Variants in SNRNP27 observed in about 807,000 individuals in gnomAD.
SNRNP27 encodes small nuclear ribonucleoprotein U4/U6.U5 subunit 27.
In SNRNP27, 22 loss-of-function variants were observed where a neutral mutation model predicts 25.1. That is an observed-to-expected ratio of 0.88 (90% confidence interval 0.63 to 1.25). SNRNP27 has a LOEUF of 1.25. Among genes scored for constraint, SNRNP27 ranks in the 50% most tolerant of loss-of-function variants. SNRNP27 has a pLI of 0.00. For missense variants in SNRNP27, 150 were observed against 202.3 expected (o/e 0.74, Z 1.57); for synonymous variants, 66 against 64.9 (o/e 1.02, Z -0.08).
chr2:69,895,215 G>C lies in SNRNP27; in HGVS notation c.155+1G>C. ...GATCCCCGCACCGAAGACGCTCCCG[G>C]TAAGGGCAGAAAATAAGCCAAGAGT... On this transcript the variant is annotated splice_donor_variant, in intron 2 of 5. Coordinates refer to ENST00000244227, the MANE Select transcript of SNRNP27 (RefSeq NM_006857.3). LOFTEE classifies it high-confidence loss of function. 3 of 1,613,126 alleles carry C rather than the reference G, an allele frequency of 1.9e-6. No homozygotes were observed. The East Asian group carries it at 6.7e-5, about 36-fold the overall frequency.
At position 69,894,722 on chromosome 2, in the gene SNRNP27, G is replaced by A. The variant is rs574198450; in HGVS notation, c.35-372G>A. 4.0e-5 allele frequency among the ~76,000 whole-genome samples: 6 copies of A among 151,754 alleles called. No homozygotes were observed. In the South Asian group the frequency reaches 1.3e-3, roughly 32 times the overall value. On this transcript the variant is annotated intron_variant, in intron 1 of 5. Transcript: ENST00000244227. ...GAGACAGAGTCTCGCTCTGTCGCCC[G>A]CCCAGGCTGGAGTGCAGTGGCCGAT...
chr2:69,904,228 CAATG>C (rs777334256), intron 5 of SNRNP27, 22 bp from the exon 6 acceptor site: 1 of 1,515,814 alleles, frequency 6.6e-7, no homozygotes, highest in Non-Finnish European at 8.9e-7. Flanking sequence ...TAAAAAAAAA[CAATG>C]AATTTTCTCT....
intron 4 of SNRNP27, 70 bp downstream of exon 4, chr2:69,897,526 T>C (rs1676626333): frequency 3.4e-6 from 4 of 1,188,758 alleles, no homozygotes; most frequent in Non-Finnish European, 5.0e-6. Flanking sequence ...CATGTTCTTT[T>C]CCATTTATAC....
In SNRNP27 at chr2:69,902,959, T is replaced by G. The variant is rs867986247; in HGVS notation, c.349-222T>G. Among the ~76,000 whole-genome samples the G allele has an allele frequency of 5.2e-4, 70 of 134,946 alleles. No individual in the cohort carries two copies. Among genetic ancestry groups the G allele is most frequent in the Admixed American group, 1.5e-3 (21 of 13,810 alleles). 88.5% of individuals were successfully genotyped at this position (134,946 alleles called of 152,430 possible). On this transcript the variant is annotated intron_variant, in intron 4 of 5. Transcript: ENST00000244227. ...TCTTCTTTTTTTTTTTTTTTTTTTT[T>G]TGAGACTGGATCATGCTCAGTTGCC...
At position 69,902,909 on chromosome 2, in the gene SNRNP27, T is replaced by TTCTTCCTTTC. The variant is rs751299090; in HGVS notation, c.349-269_349-260dup. On this transcript the variant is annotated intron_variant, in intron 4 of 5. Transcript: ENST00000244227. Reference sequence around the variant, plus strand: ...CCCCTACTTCCCTCTTCCTTCCTCCTTCTTCCTTTCTCCTCCTTTCTTCTT... The same window carrying TTCTTCCTTTC: ...CCCCTACTTCCCTCTTCCTTCCTCCTTCTTCCTTTCTCTTCCTTTCTCCTCCTTTCTTCTT... 3.8e-3 allele frequency among the ~76,000 whole-genome samples: 559 copies of TTCTTCCTTTC among 147,278 alleles called. 2 individuals carry two copies. The highest frequency in any genetic ancestry group is 7.2e-3 in the Admixed American group (107 of 14,822).
At chr2:69,894,996 G>A in intron 1 of SNRNP27, 98 bp from the exon 2 acceptor site, 1 of 1,504,346 alleles carries the variant, frequency 6.6e-7, no homozygotes, top group Non-Finnish European at 9.0e-7. Context: ...CCTTTTTAAT[G>A]TGACTAGTAA....
chr2:69,897,235 TC>T, intron 3 of SNRNP27, 141 bp from the exon 4 acceptor site: 1 of 589,800 alleles, frequency 1.7e-6, no homozygotes, highest in South Asian at 2.4e-5. Flanking sequence ...AGGAATTTTT[TC>T]ATTAGACTCA....
chr2:69,896,369 A>G (rs1676598976), intron 2 of SNRNP27, 67 bp from the exon 3 acceptor site: 1 of 1,433,140 alleles, frequency 7.0e-7, no homozygotes, highest in African/African-American at 1.4e-5. Flanking sequence ...CCTCATGTAT[A>G]TCTGTGCTGA....
intron 4 of SNRNP27, among the ~76,000 whole-genome samples, chr2:69,901,361 A>C (rs1676695043): frequency 6.6e-6 from 1 of 152,202 alleles, no homozygotes; most frequent in Non-Finnish European, 1.5e-5. Flanking sequence ...GAGGAACAAC[A>C]TGGGGGAAAG....
intron 4 of SNRNP27, among the ~76,000 whole-genome samples, chr2:69,902,109 G>A (rs896869236): frequency 4.3e-4 from 60 of 139,484 alleles, no homozygotes; most frequent in Admixed American, 2.8e-3. Flanking sequence ...GCTTATACAC[G>A]ATTGTAAAAA....
chr2:69,895,903 C>T (rs1163318018), intron 2 of SNRNP27, among the ~76,000 whole-genome samples: 7 of 151,772 alleles, frequency 4.6e-5, no homozygotes, highest in Admixed American at 4.6e-4. Flanking sequence ...ATGATTTATT[C>T]AAGTATGTAA....
At chr2:69,896,698 G>C in intron 3 of SNRNP27, 150 bp downstream of exon 3, 1 of 743,322 alleles carries the variant, frequency 1.3e-6, no homozygotes, top group Non-Finnish European at 2.0e-6. Context: ...TTGAGATAGA[G>C]TTTCATTCTT....
chr2:69,901,528 A>C (rs991910926), intron 4 of SNRNP27, among the ~76,000 whole-genome samples: 1 of 152,164 alleles, frequency 6.6e-6, no homozygotes, highest in Non-Finnish European at 1.5e-5. Flanking sequence ...TTAAAGATCA[A>C]AATTGGGCTG....
rs761833954 is a variant in SNRNP27 at position 69,902,938 on chromosome 2, C to CTTTTTTTT, written c.349-228_349-221dup. Among the ~76,000 whole-genome samples the CTTTTTTTT allele has an allele frequency of 5.5e-4, 51 of 92,402 alleles. 1 individual carries two copies. The highest frequency in any genetic ancestry group is 1.4e-3 in the East Asian group (4 of 2,932). The allele number at this position is 92,402 out of a possible 152,430, so 60.6% of individuals were successfully genotyped here. On this transcript the variant is annotated intron_variant, in intron 4 of 5. Transcript: ENST00000244227. ...TCCTTTCTCCTCCTTTCTTCTTCTT[C>CTTTTTTTT]TTTTTTTTTTTTTTTTTTTTTTGAG...
Position 69,904,657 on chromosome 2 carries a change from AT to A in SNRNP27, c.*352del, listed in dbSNP as rs1161472643. 2 of 395,000 alleles carry A rather than the reference AT, an allele frequency of 5.1e-6. No individual in the cohort carries two copies. Among genetic ancestry groups the A allele is most frequent in the Admixed American group, 4.4e-5 (1 of 22,670 alleles). The allele number at this position is 395,000 out of a possible 1,614,324, so 24.5% of individuals were successfully genotyped here. A position where few individuals can be genotyped will look rare whatever the true frequency, so the allele number is the denominator to read the frequency against. On this transcript the variant is annotated 3_prime_UTR_variant, in exon 6 of 6. Coordinates refer to ENST00000244227, the MANE Select transcript of SNRNP27 (RefSeq NM_006857.3). ...AAGTAAGTTTATCCAATAAAGCAGT[AT>A]TTCTACCCTTTTAGATTTGATAAAT...
intron 4 of SNRNP27, among the ~76,000 whole-genome samples, chr2:69,900,023 A>G (rs912079772): frequency 1.3e-5 from 2 of 149,106 alleles, no homozygotes; most frequent in Non-Finnish European, 1.5e-5. Flanking sequence ...GAGTCTTCCT[A>G]TGTTGTCCAG....
chr2:69,895,275 A>C, intron 2 of SNRNP27, 61 bp downstream of exon 2: 4 of 1,580,814 alleles, frequency 2.5e-6, no homozygotes, highest in African/African-American at 1.4e-5. Context: ...AACTGGTCGC[A>C]GCTCTTAACT....
intron 4 of SNRNP27, among the ~76,000 whole-genome samples, chr2:69,899,471 C>T (rs1328028344): frequency 6.6e-6 from 1 of 151,918 alleles, no homozygotes; most frequent in African/African-American, 2.4e-5. Context: ...GCTCTGTTGT[C>T]CAGGCTGGAG....
chr2:69,898,917 A>G (rs1460880629), intron 4 of SNRNP27, among the ~76,000 whole-genome samples: 1 of 152,210 alleles, frequency 6.6e-6, no homozygotes, highest in African/African-American at 2.4e-5. Context: ...TTATTAAGAT[A>G]TATGTTGGGT....
Sources: gnomAD v4.1 joint callset for allele counts (sites outside exome capture counted in the v4.1 genomes callset) on GRCh38, gnomAD v4.1.1 for gene constraint, MANE v1.5 for transcripts, NCBI Gene and HGNC (gene_info 2026-07-23, HGNC 2026-07-21) for gene names.